GRID1: variants seen among roughly 807,000 people sequenced by gnomAD.
GRID1 encodes the protein glutamate receptor ionotropic, delta-1.
Under a neutral mutation model 98.0 loss-of-function variants are expected in GRID1, and 28 were observed. The ratio of observed to expected loss-of-function variants is 0.29; its 90% confidence interval spans 0.21 to 0.39. GRID1 has a LOEUF of 0.39. Among genes scored for constraint, GRID1 ranks in the 10% least tolerant of loss-of-function variants. GRID1 has a pLI of 1.00. For synonymous variants in GRID1, 553 were observed against 538.5 expected (o/e 1.03, Z -0.37); for missense variants, 1,111 against 1,340.5 (o/e 0.83, Z 2.67).
chr10:86,117,811 T>C (rs1844606401), intron 4 of GRID1, among the ~76,000 whole-genome samples: 1 of 152,222 alleles, frequency 6.6e-6, no homozygotes, highest in African/African-American at 2.4e-5. Flanking sequence ...TAATAGATGT[T>C]GGCTTGAATG....
intron 8 of GRID1, among the ~76,000 whole-genome samples, chr10:85,852,096 C>T (rs979932220): frequency 2.6e-5 from 4 of 152,178 alleles, no homozygotes; most frequent in African/African-American, 9.7e-5. Context: ...AGGCCTGAAT[C>T]ACAAACATTT....
intron 2 of GRID1, among the ~76,000 whole-genome samples, chr10:86,218,154 C>CTG (rs143511960): frequency 0.014 from 2,072 of 152,030 alleles, 57 homozygotes; most frequent in African/African-American, 0.047. Flanking sequence ...AGTCTTGGTC[C>CTG]TGTGTGTGTG....
At chr10:86,177,428 A>C (rs1357011211) in intron 3 of GRID1, among the ~76,000 whole-genome samples, 1 of 151,982 alleles carries the variant, frequency 6.6e-6, no homozygotes, top group Non-Finnish European at 1.5e-5. Context: ...TGAGAGACAG[A>C]GACTGTGTAT....
chr10:85,912,647 G>A (rs949982585), intron 5 of GRID1, among the ~76,000 whole-genome samples: 5 of 152,198 alleles, frequency 3.3e-5, no homozygotes, highest in South Asian at 2.1e-4. Context: ...TGCGGTGGTC[G>A]GGGAGGCACA....
chr10:86,354,144 A>G (rs1462185955), intron 2 of GRID1, among the ~76,000 whole-genome samples: 2 of 152,164 alleles, frequency 1.3e-5, no homozygotes, highest in East Asian at 3.9e-4. Context: ...GAAGAGCGCC[A>G]TGGGGGACAG....
chr10:85,994,440 C>T (rs1043257417), intron 4 of GRID1, among the ~76,000 whole-genome samples: 3 of 152,176 alleles, frequency 2.0e-5, no homozygotes, highest in Admixed American at 6.5e-5. Context: ...TCCTAGCACC[C>T]GACATCTCTG....
In GRID1 at chr10:85,709,704, T is replaced by C. The variant is rs188308745; in HGVS notation, c.1997+13299A>G. Among the ~76,000 whole-genome samples the C allele has an allele frequency of 8.5e-5, 13 of 152,328 alleles. No individual in the cohort carries two copies. In the East Asian group the frequency reaches 2.3e-3, roughly 27 times the overall value. On this transcript the variant is annotated intron_variant, in intron 12 of 15. Coordinates refer to ENST00000327946, the MANE Select transcript of GRID1 (RefSeq NM_017551.3). ...CTCACACCGATAGTGCACAATTGTATATTTAAAAGATAAGAAAGAGAGGAA... is the reference window on the plus strand; with the variant it reads ...CTCACACCGATAGTGCACAATTGTACATTTAAAAGATAAGAAAGAGAGGAA...
chr10:86,212,916 G>A (rs187897736), intron 2 of GRID1, among the ~76,000 whole-genome samples: 1 of 152,282 alleles, frequency 6.6e-6, no homozygotes, highest in Non-Finnish European at 1.5e-5. Context: ...GGGGGGATGG[G>A]TGGTGGTGCT....
At chr10:85,906,367 G>A (rs1841461180) in intron 5 of GRID1, among the ~76,000 whole-genome samples, 1 of 152,016 alleles carries the variant, frequency 6.6e-6, no homozygotes, top group Admixed American at 6.6e-5. Context: ...TAATCATAAA[G>A]GATACAGAAG....
chr10:86,102,417 C>G (rs1844309346), intron 4 of GRID1, among the ~76,000 whole-genome samples: 1 of 152,236 alleles, frequency 6.6e-6, no homozygotes, highest in African/African-American at 2.4e-5. Context: ...GATGTTGGGC[C>G]TGGGCAGCTG....
intron 4 of GRID1, among the ~76,000 whole-genome samples, chr10:85,921,233 A>T (rs1171647289): frequency 6.6e-6 from 1 of 152,196 alleles, no homozygotes; most frequent in African/African-American, 2.4e-5. Context: ...GTGTTGACTT[A>T]TGTGTATATC....
At chr10:85,819,383 T>G (rs557958332) in intron 8 of GRID1, among the ~76,000 whole-genome samples, 1 of 152,334 alleles carries the variant, frequency 6.6e-6, no homozygotes, top group Admixed American at 6.5e-5. Flanking sequence ...GTGATGAATG[T>G]TAACTCCCCT....
intron 3 of GRID1, among the ~76,000 whole-genome samples, chr10:86,175,472 A>T (rs1232220807): frequency 6.6e-6 from 1 of 152,008 alleles, no homozygotes; most frequent in African/African-American, 2.4e-5. Context: ...GACAAAGAGA[A>T]TTCCATATGA....
chr10:85,614,626 G>T (rs1237391836), intron 14 of GRID1, among the ~76,000 whole-genome samples: 1 of 151,922 alleles, frequency 6.6e-6, no homozygotes, highest in Admixed American at 6.6e-5. Context: ...TCATGTCTGG[G>T]GTAGCACTTA....
chr10:85,763,177 C>T (rs528635248), intron 8 of GRID1, among the ~76,000 whole-genome samples: 22 of 152,284 alleles, frequency 1.4e-4, no homozygotes, highest in Middle Eastern at 3.4e-3. Context: ...AGCTGCCCAC[C>T]TTGCAGTCCT....
chr10:85,904,188 T>C (rs960290929), intron 5 of GRID1, among the ~76,000 whole-genome samples: 3 of 151,936 alleles, frequency 2.0e-5, no homozygotes, highest in Admixed American at 6.6e-5. Context: ...CAAGATGGAG[T>C]AACAGGGATT....
chr10:85,760,814 G>A (rs976089208), intron 8 of GRID1, among the ~76,000 whole-genome samples: 1 of 152,194 alleles, frequency 6.6e-6, no homozygotes, highest in Non-Finnish European at 1.5e-5. Flanking sequence ...GCAGCAATTT[G>A]AGGTTCCCTG....
chr10:86,353,259 C>A lies in GRID1; in HGVS notation c.235+10682G>T, dbSNP rs151119227. The stretch of plus-strand genomic sequence containing the variant: ...AGTCTCCTGTGGGTGCTGGGATGCA[C>A]CCTGAGGATGCCACCTCCCAACTGG... On this transcript the variant is annotated intron_variant, in intron 2 of 15. Coordinates refer to ENST00000327946, the MANE Select transcript of GRID1 (RefSeq NM_017551.3). Among the ~76,000 whole-genome samples the A allele has an allele frequency of 1.3e-3, 198 of 152,336 alleles. 2 individuals are homozygous for A. The highest frequency in any genetic ancestry group is 8.5e-3 in the Admixed American group (130 of 15,302).
At chr10:86,300,522 A>AGGGG (rs1349315819) in intron 2 of GRID1, among the ~76,000 whole-genome samples, 1 of 11,028 alleles carries the variant, frequency 9.1e-5, no homozygotes, top group South Asian at 6.3e-3. Flanking sequence ...AAGGGAGGGG[A>AGGGG]AGGGAGGGGA....
Sources: allele counts gnomAD v4.1 joint callset (sites outside exome capture counted in the v4.1 genomes callset), GRCh38; gene constraint gnomAD v4.1.1; transcripts MANE v1.5; gene names NCBI Gene and HGNC (gene_info 2026-07-23, HGNC 2026-07-21).